Variants in DNAJC3 observed in about 807,000 individuals in gnomAD.
The protein encoded by DNAJC3 is DnaJ heat shock protein family (Hsp40) member C3, also known as dnaJ homolog subfamily C member 3.
Under a neutral mutation model 68.6 loss-of-function variants are expected in DNAJC3, and 38 were observed. The observed-to-expected ratio is 0.55, with a 90% CI of 0.43 to 0.73. DNAJC3 has a LOEUF of 0.73. Ranked by LOEUF, DNAJC3 falls within the 30% of genes least tolerant of loss-of-function variation. The probability of loss-of-function intolerance (pLI) is 0.00; values close to 1 mark genes in which losing one functional copy is unlikely to be tolerated. For missense variants in DNAJC3, 526 were observed against 591.9 expected, an observed-to-expected ratio of 0.89 and a Z score of 1.16; for synonymous variants, 203 against 204.0, an observed-to-expected ratio of 1.00 and a Z score of 0.04.
chr13:95,684,052 T>A (rs575443029), intron 1 of DNAJC3, among the ~76,000 whole-genome samples: 1 of 152,108 alleles, frequency 6.6e-6, no homozygotes, highest in Non-Finnish European at 1.5e-5. Context: ...CCTGAAATTG[T>A]AGAAGGAAGC....
intron 1 of DNAJC3, among the ~76,000 whole-genome samples, chr13:95,689,528 T>A (rs1373257061): frequency 6.6e-6 from 1 of 152,094 alleles, no homozygotes; most frequent in Non-Finnish European, 1.5e-5. Flanking sequence ...CAATTTTGTT[T>A]ATCCTTTCAA....
chr13:95,744,835 A>G (rs991694302), intron 4 of DNAJC3: 3 of 152,222 alleles, frequency 2.0e-5, no homozygotes, highest in Admixed American at 1.3e-4. Flanking sequence ...CAGTCTTCCA[A>G]ATGAAGAGAT....
At chr13:95,678,627 C>T (rs73550505) in intron 1 of DNAJC3, among the ~76,000 whole-genome samples, 1,726 of 152,254 alleles carry the variant, frequency 0.011, 36 homozygotes, top group African/African-American at 0.04. Context: ...CTCCTGCCCC[C>T]GCACCCCACC....
intron 11 of DNAJC3, among the ~76,000 whole-genome samples, chr13:95,787,520 G>A (rs1322924439): frequency 6.6e-6 from 1 of 152,152 alleles, no homozygotes; most frequent in African/African-American, 2.4e-5. Flanking sequence ...AAGCTTACAG[G>A]AGCTTGATGA....
chr13:95,777,999 A>C (rs1243975572), intron 9 of DNAJC3, among the ~76,000 whole-genome samples: 1 of 152,204 alleles, frequency 6.6e-6, no homozygotes, highest in Non-Finnish European at 1.5e-5. Flanking sequence ...TAACAGAAGG[A>C]AAATTGAAAA....
At chr13:95,757,458 C>G (rs1882696318) in intron 4 of DNAJC3, among the ~76,000 whole-genome samples, 186 bp from the exon 5 acceptor site, 1 of 152,072 alleles carries the variant, frequency 6.6e-6, no homozygotes, top group Non-Finnish European at 1.5e-5. Context: ...GCTCATGGAC[C>G]ATATCGGTAG....
At chr13:95,757,619 G>T (rs761737567) in intron 4 of DNAJC3, 25 bp from the exon 5 acceptor site, 1 of 1,528,688 alleles carries the variant, frequency 6.5e-7, no homozygotes, top group Non-Finnish European at 8.9e-7. Context: ...TAAAAACTCT[G>T]CTTAGTTTTT....
chr13:95,746,179 A>T (rs183306530), intron 4 of DNAJC3, among the ~76,000 whole-genome samples: 6 of 152,336 alleles, frequency 3.9e-5, no homozygotes, highest in South Asian at 2.1e-4. Context: ...CTTCTGTAGA[A>T]TATGGGCACA....
At chr13:95,751,781 T>C (rs1332576105) in intron 4 of DNAJC3, among the ~76,000 whole-genome samples, 1 of 152,194 alleles carries the variant, frequency 6.6e-6, no homozygotes, top group East Asian at 1.9e-4. Flanking sequence ...GAAAGAGGTT[T>C]AATAGACTCA....
intron 1 of DNAJC3, among the ~76,000 whole-genome samples, chr13:95,699,881 CTG>C (rs1389208006): frequency 1.3e-5 from 2 of 152,130 alleles, no homozygotes; most frequent in Non-Finnish European, 2.9e-5. Flanking sequence ...GTTGCCCAGA[CTG>C]GAGTGCAGTG....
chr13:95,759,499 A>C (rs2139674439), intron 5 of DNAJC3, among the ~76,000 whole-genome samples: 1 of 152,296 alleles, frequency 6.6e-6, no homozygotes, highest in African/African-American at 2.4e-5. Context: ...CTTTTTATAG[A>C]GATGAGATCT....
At chr13:95,782,952 A>G (rs774117898) in intron 9 of DNAJC3, among the ~76,000 whole-genome samples, 4 of 152,154 alleles carry the variant, frequency 2.6e-5, no homozygotes, top group Non-Finnish European at 5.9e-5. Flanking sequence ...TTTATGTCTT[A>G]CGTTTAAGTC....
chr13:95,684,544 C>T (rs1316214971), intron 1 of DNAJC3, among the ~76,000 whole-genome samples: 1 of 152,124 alleles, frequency 6.6e-6, no homozygotes, highest in Non-Finnish European at 1.5e-5. Flanking sequence ...AAGAAAAACC[C>T]ATTTATAGGG....
intron 4 of DNAJC3, among the ~76,000 whole-genome samples, chr13:95,730,743 C>T (rs562122881): frequency 6.2e-4 from 95 of 152,182 alleles, no homozygotes; most frequent in Non-Finnish European, 9.7e-4. Context: ...GTCAGGTAGC[C>T]TGATGCCTCC....
At chr13:95,691,918 G>A (rs1880278665) in intron 1 of DNAJC3, among the ~76,000 whole-genome samples, 1 of 152,234 alleles carries the variant, frequency 6.6e-6, no homozygotes, top group Non-Finnish European at 1.5e-5. Context: ...AGTCAGGCGT[G>A]GCGGCGCGCG....
At chr13:95,701,135 G>T (rs1254075697) in intron 1 of DNAJC3, among the ~76,000 whole-genome samples, 1 of 152,120 alleles carries the variant, frequency 6.6e-6, no homozygotes, top group Non-Finnish European at 1.5e-5. Context: ...TCCCCCGAGG[G>T]CTGTCCAGTG....
chr13:95,772,129 G>A (rs1234103908), intron 9 of DNAJC3, among the ~76,000 whole-genome samples: 2 of 152,170 alleles, frequency 1.3e-5, no homozygotes, highest in Non-Finnish European at 2.9e-5. Context: ...GCATGGCTGT[G>A]TTCCAATAAA....
intron 9 of DNAJC3, among the ~76,000 whole-genome samples, chr13:95,771,118 A>T (rs1209001695): frequency 1.3e-5 from 2 of 152,022 alleles, no homozygotes; most frequent in East Asian, 3.8e-4. Context: ...TGATGCATTT[A>T]AAAAAAGGTA....
At position 95,757,865 on chromosome 13, in the gene DNAJC3, A is replaced by G. The variant is rs1335574521; in HGVS notation, c.546+69A>G. On this transcript the variant is annotated intron_variant, in intron 5 of 11. Transcript: ENST00000602402. ...GTAAGGCACATTTATATACTTCGAC[A>G]TGTCACATACCACAAAGACCTAGAC... 8 of 1,409,966 alleles carry G rather than the reference A, an allele frequency of 5.7e-6. No homozygotes were observed. The South Asian group carries it at 1.3e-4, about 22-fold the overall frequency. 87.3% of individuals were successfully genotyped at this position (1,409,966 alleles called of 1,614,324 possible). A position where few individuals can be genotyped will look rare whatever the true frequency, so the allele number is the denominator to read the frequency against.
Sources: gnomAD v4.1 joint callset for allele counts (sites outside exome capture counted in the v4.1 genomes callset) on GRCh38, gnomAD v4.1.1 for gene constraint, MANE v1.5 for transcripts, NCBI Gene and HGNC (gene_info 2026-07-23, HGNC 2026-07-21) for gene names.